Variants in NRXN1 observed in about 807,000 individuals in gnomAD.
The protein encoded by NRXN1 is neurexin-1.
In NRXN1, 39 loss-of-function variants were observed where a neutral mutation model predicts 150.9. The ratio of observed to expected loss-of-function variants is 0.26; its 90% CI spans 0.20 to 0.34. NRXN1 has a LOEUF of 0.34. NRXN1 is among the 10% of genes least tolerant of loss of function. The pLI is 1.00. For synonymous variants in NRXN1, 924 were observed against 757.0 expected (o/e 1.22, Z -3.62); for missense variants, 1,815 against 1,949.9 (o/e 0.93, Z 1.30).
intron 5 of NRXN1, among the ~76,000 whole-genome samples, chr2:50,639,339 G>C (rs1423492231): frequency 6.6e-6 from 1 of 150,902 alleles, no homozygotes. Context: ...TCCTGCCTCA[G>C]GCTCCCAAGT....
intron 17 of NRXN1, among the ~76,000 whole-genome samples, chr2:50,441,140 T>C (rs572521302): frequency 3.5e-4 from 53 of 152,292 alleles, no homozygotes; most frequent in African/African-American, 1.1e-3. Context: ...CAGAACACCA[T>C]TGAAGATATC....
intron 2 of NRXN1, among the ~76,000 whole-genome samples, chr2:50,931,818 T>C (rs768688157): frequency 6.6e-6 from 1 of 152,056 alleles, no homozygotes; most frequent in South Asian, 2.1e-4. Flanking sequence ...ATAAATTAGA[T>C]CATACATTGA....
chr2:50,908,787 T>C (rs1684101490), intron 5 of NRXN1, among the ~76,000 whole-genome samples: 2 of 151,956 alleles, frequency 1.3e-5, no homozygotes, highest in Non-Finnish European at 2.9e-5. Context: ...GTCATCAGTA[T>C]GGAGCCCCCT....
chr2:50,184,138 T>A (rs570026245), intron 18 of NRXN1, among the ~76,000 whole-genome samples: 1 of 152,204 alleles, frequency 6.6e-6, no homozygotes, highest in East Asian at 1.9e-4. Context: ...ACAGACTCCA[T>A]AATTCATATT....
rs114146824 is a variant in NRXN1 at position 50,269,395 on chromosome 2, C to T, written c.3365-32425G>A. 4.1e-3 allele frequency among the ~76,000 whole-genome samples: 629 copies of T among 152,266 alleles called. 4 individuals are homozygous for T. Among genetic ancestry groups the T allele is most frequent in the African/African-American group, 0.014 (593 of 41,560 alleles). On this transcript the variant is annotated intron_variant, in intron 17 of 22. Coordinates refer to ENST00000401669, the MANE Select transcript of NRXN1 (RefSeq NM_001330078.2). ...ATAAAAGCAGCTAAAAGATAGTATG[C>T]ACTGTATTTCCCAACTTTGTATTTA...
chr2:50,501,731 T>A lies in NRXN1; in HGVS notation c.2498-4017A>T, dbSNP rs111951744. Among the ~76,000 whole-genome samples, 215 of 152,120 alleles carry A rather than the reference T, an allele frequency of 1.4e-3. 1 individual carries two copies. Among genetic ancestry groups the A allele is most frequent in the African/African-American group, 4.9e-3 (203 of 41,508 alleles). ...CTTCCCACTTAGGGATTCCACAAAA[T>A]TTGTACAACCCCTTGTCATCTATGA... On this transcript the variant is annotated intron_variant, in intron 13 of 22. Coordinates refer to ENST00000401669, the MANE Select transcript of NRXN1 (RefSeq NM_001330078.2).
intron 17 of NRXN1, among the ~76,000 whole-genome samples, chr2:50,265,895 T>A (rs1365226045): frequency 6.6e-6 from 1 of 151,956 alleles, no homozygotes; most frequent in Non-Finnish European, 1.5e-5. Flanking sequence ...GAGGAGCAAG[T>A]TAAAGCTAGA....
rs78493203 is a variant in NRXN1, at chr2:50,775,776, T to C, written c.832+146093A>G. On this transcript the variant is annotated intron_variant, in intron 5 of 22. Transcript: ENST00000401669. Reference sequence around the variant, plus strand: ...CTTTGCCACAGCATTGATATGCTGGTACTTTTGTCTTAACATTTTGGTCTC... The same window carrying C: ...CTTTGCCACAGCATTGATATGCTGGCACTTTTGTCTTAACATTTTGGTCTC... 7.0e-3 allele frequency among the ~76,000 whole-genome samples: 1,067 copies of C among 152,260 alleles called. 11 individuals are homozygous for C. Among genetic ancestry groups the C allele is most frequent in the African/African-American group, 0.025 (1,027 of 41,574 alleles).
chr2:50,813,100 G>A (rs934468176), intron 5 of NRXN1, among the ~76,000 whole-genome samples: 12 of 152,088 alleles, frequency 7.9e-5, no homozygotes, highest in African/African-American at 2.4e-4. Flanking sequence ...AGGCTGAGTC[G>A]GGAGGATGGC....
intron 18 of NRXN1, among the ~76,000 whole-genome samples, chr2:50,093,560 C>T (rs1401610799): frequency 3.3e-5 from 5 of 151,964 alleles, no homozygotes; most frequent in South Asian, 2.1e-4. Context: ...ACTTGAGCCC[C>T]GGAGGCTGAG....
intron 21 of NRXN1, among the ~76,000 whole-genome samples, chr2:50,013,637 A>T (rs1203296432): frequency 2.0e-5 from 3 of 152,124 alleles, no homozygotes. Flanking sequence ...ATATATTGAA[A>T]TGTATGCTAC....
chr2:50,508,529 A>C (rs1173834684), intron 12 of NRXN1, among the ~76,000 whole-genome samples: 4 of 152,180 alleles, frequency 2.6e-5, no homozygotes, highest in Admixed American at 2.6e-4. Flanking sequence ...ATCCTTGAAA[A>C]GAGAACATAT....
chr2:50,554,587 A>C (rs1460937798), intron 8 of NRXN1: 1 of 152,214 alleles, frequency 6.6e-6, no homozygotes, highest in South Asian at 2.1e-4. Flanking sequence ...TTCCAATGCC[A>C]ATCACATTGT....
intron 12 of NRXN1, among the ~76,000 whole-genome samples, chr2:50,515,473 G>C (rs1357052096): frequency 6.6e-6 from 1 of 152,100 alleles, no homozygotes; most frequent in Non-Finnish European, 1.5e-5. Context: ...ATGCCAAAAA[G>C]TTTGGAGACC....
chr2:50,228,369 G>C (rs1199179925), intron 18 of NRXN1, among the ~76,000 whole-genome samples: 2 of 151,866 alleles, frequency 1.3e-5, no homozygotes, highest in Admixed American at 6.6e-5. Context: ...GTAGCAATTC[G>C]GTGACAAACT....
intron 17 of NRXN1, among the ~76,000 whole-genome samples, chr2:50,272,912 T>G (rs114110596): frequency 0.011 from 1,646 of 152,028 alleles, 33 homozygotes; most frequent in African/African-American, 0.037. Context: ...TTGTAATACA[T>G]AAAGAATTTT....
chr2:50,543,279 T>G (rs1254465700), intron 9 of NRXN1, among the ~76,000 whole-genome samples: 1 of 152,148 alleles, frequency 6.6e-6, no homozygotes, highest in Admixed American at 6.5e-5. Context: ...AAATATTTTA[T>G]GTAAACATTG....
intron 5 of NRXN1, among the ~76,000 whole-genome samples, chr2:50,869,490 ACT>A (rs1468718726): frequency 2.3e-4 from 35 of 151,742 alleles, no homozygotes; most frequent in Admixed American, 6.6e-4. Context: ...AGTTTTAATC[ACT>A]CTGAGGAGAG....
chr2:50,010,234 C>G (rs1685434826), intron 21 of NRXN1, among the ~76,000 whole-genome samples: 1 of 152,048 alleles, frequency 6.6e-6, no homozygotes, highest in East Asian at 1.9e-4. Flanking sequence ...GCATTCATCT[C>G]TACATTTAGA....
Sources: gnomAD v4.1 joint callset for allele counts (sites outside exome capture counted in the v4.1 genomes callset) on GRCh38, gnomAD v4.1.1 for gene constraint, MANE v1.5 for transcripts, NCBI Gene and HGNC (gene_info 2026-07-23, HGNC 2026-07-21) for gene names.